The following HS3ST4 variants were observed in gnomAD, a reference collection of about 807,000 sequenced individuals.
HS3ST4 encodes heparan sulfate-glucosamine 3-sulfotransferase 4, also known as heparan sulfate glucosamine 3-O-sulfotransferase 4.
HS3ST4 carries 17 observed loss-of-function variants against 29.2 expected under a neutral mutation model. That is an observed-to-expected ratio of 0.58 (90% confidence interval 0.40 to 0.87). HS3ST4 has a LOEUF of 0.87. HS3ST4 is among the 40% of genes least tolerant of loss of function. HS3ST4 has a pLI of 0.00. For synonymous variants in HS3ST4, 314 were observed against 285.7 expected (o/e 1.10, Z -1.00); for missense variants, 627 against 634.5 (o/e 0.99, Z 0.13).
At chr16:25,738,065 C>T (rs1966623055) in intron 1 of HS3ST4, among the ~76,000 whole-genome samples, 1 of 152,084 alleles carries the variant, frequency 6.6e-6, no homozygotes, top group South Asian at 2.1e-4. Context: ...CCACCACGCC[C>T]AGCTAGTATT....
At chr16:25,724,512 C>T (rs1054616934) in intron 1 of HS3ST4, among the ~76,000 whole-genome samples, 40 of 151,948 alleles carry the variant, frequency 2.6e-4, no homozygotes, top group Non-Finnish European at 2.4e-4. Context: ...TACAGGTGTG[C>T]ACCACCACGC....
intron 1 of HS3ST4, among the ~76,000 whole-genome samples, chr16:25,959,747 G>T (rs1049729413): frequency 6.6e-6 from 1 of 152,130 alleles, no homozygotes; most frequent in Non-Finnish European, 1.5e-5. Context: ...GTTGGGGATG[G>T]GGCCTGGTGG....
intron 1 of HS3ST4, chr16:26,025,435 A>G (rs993883529): frequency 1.2e-4 from 18 of 154,282 alleles, no homozygotes; most frequent in Non-Finnish European, 2.1e-4. Context: ...TTTTGAAGGG[A>G]TATTTTATGG....
intron 1 of HS3ST4, among the ~76,000 whole-genome samples, chr16:25,904,765 G>T (rs1304811203): frequency 6.6e-6 from 1 of 152,128 alleles, no homozygotes; most frequent in African/African-American, 2.4e-5. Flanking sequence ...TCTTTTCTGA[G>T]CCACACCTCG....
At chr16:25,703,215 A>G (rs1022831217) in intron 1 of HS3ST4, among the ~76,000 whole-genome samples, 13 of 152,162 alleles carry the variant, frequency 8.5e-5, no homozygotes, top group African/African-American at 2.4e-5. Flanking sequence ...GTCAATGTGG[A>G]TGCACTCATG....
intron 1 of HS3ST4, among the ~76,000 whole-genome samples, chr16:26,005,756 G>A (rs1969252487): frequency 6.6e-6 from 1 of 151,474 alleles, no homozygotes; most frequent in South Asian, 2.1e-4. Flanking sequence ...AACCTTTGAA[G>A]CAGAGATCAG....
At chr16:25,901,272 C>T (rs1281193823) in intron 1 of HS3ST4, among the ~76,000 whole-genome samples, 1 of 152,196 alleles carries the variant, frequency 6.6e-6, no homozygotes, top group East Asian at 1.9e-4. Context: ...CTGAGAATGG[C>T]TCTCAGCATC....
At chr16:25,807,209 G>C (rs576157923) in intron 1 of HS3ST4, among the ~76,000 whole-genome samples, 1 of 152,094 alleles carries the variant, frequency 6.6e-6, no homozygotes, top group Non-Finnish European at 1.5e-5. Flanking sequence ...CCTGACCTCA[G>C]GTGATCCACC....
chr16:26,107,063 A>T (rs1899066964), intron 1 of HS3ST4, among the ~76,000 whole-genome samples: 1 of 151,970 alleles, frequency 6.6e-6, no homozygotes, highest in African/African-American at 2.4e-5. Context: ...GGGGTTAGTT[A>T]TTCTCTGTTC....
chr16:25,873,713 CATCT>C (rs1309370790), intron 1 of HS3ST4, among the ~76,000 whole-genome samples: 13 of 149,884 alleles, frequency 8.7e-5, no homozygotes, highest in African/African-American at 2.7e-4. Flanking sequence ...TCCATCTGTC[CATCT>C]ATCCATCCAT....
intron 1 of HS3ST4, among the ~76,000 whole-genome samples, chr16:25,868,683 A>G (rs1177492811): frequency 6.6e-6 from 1 of 152,218 alleles, no homozygotes; most frequent in Non-Finnish European, 1.5e-5. Flanking sequence ...TTTAAGGAGC[A>G]AATGTAATTC....
chr16:26,035,893 T>C (rs1217275412), intron 1 of HS3ST4, among the ~76,000 whole-genome samples: 1 of 152,210 alleles, frequency 6.6e-6, no homozygotes, highest in African/African-American at 2.4e-5. Flanking sequence ...CAACTCCCCA[T>C]GACTAATTAT....
chr16:26,013,248 A>T (rs1051407909), intron 1 of HS3ST4, among the ~76,000 whole-genome samples: 2 of 152,166 alleles, frequency 1.3e-5, no homozygotes, highest in Non-Finnish European at 2.9e-5. Context: ...GTGGCAGAGT[A>T]GTTAGGGACA....
At chr16:25,863,259 T>A (rs978452298) in intron 1 of HS3ST4, among the ~76,000 whole-genome samples, 2 of 152,152 alleles carry the variant, frequency 1.3e-5, no homozygotes, top group East Asian at 3.9e-4. Flanking sequence ...AATTTTTCTA[T>A]TTTAAGTAGA....
intron 1 of HS3ST4, among the ~76,000 whole-genome samples, chr16:26,044,796 G>A (rs114292877): frequency 9.5e-4 from 145 of 152,232 alleles, no homozygotes; most frequent in African/African-American, 3.4e-3. Context: ...CAGATGTAAT[G>A]TTGCAGGACC....
intron 1 of HS3ST4, among the ~76,000 whole-genome samples, chr16:25,769,918 C>T (rs1966839759): frequency 6.6e-6 from 1 of 152,192 alleles, no homozygotes; most frequent in South Asian, 2.1e-4. Flanking sequence ...TCTCTCCATC[C>T]TTCCTCCTTA....
chr16:25,913,142 T>C (rs1219490852), intron 1 of HS3ST4, among the ~76,000 whole-genome samples: 4 of 152,148 alleles, frequency 2.6e-5, no homozygotes, highest in African/African-American at 9.7e-5. Context: ...TCTGATGGGG[T>C]TGGTCCAGGG....
chr16:26,125,197 C>T (rs1046971946), intron 1 of HS3ST4, among the ~76,000 whole-genome samples: 3 of 152,184 alleles, frequency 2.0e-5, no homozygotes, highest in Non-Finnish European at 2.9e-5. Context: ...TTCAGAAATT[C>T]GTCAGTATTA....
intron 1 of HS3ST4, among the ~76,000 whole-genome samples, chr16:25,838,809 A>G (rs1204254410): frequency 6.6e-6 from 1 of 152,180 alleles, no homozygotes; most frequent in African/African-American, 2.4e-5. Context: ...CCGAGAAAAG[A>G]GCGAAGCCCT....
Sources: gnomAD v4.1 joint callset for allele counts (sites outside exome capture counted in the v4.1 genomes callset) on GRCh38, gnomAD v4.1.1 for gene constraint, MANE v1.5 for transcripts, NCBI Gene and HGNC (gene_info 2026-07-23, HGNC 2026-07-21) for gene names.